PPP1R37: variants seen among roughly 807,000 people sequenced by gnomAD.
The protein encoded by PPP1R37 is protein phosphatase 1 regulatory subunit 37.
PPP1R37 carries 21 observed loss-of-function variants against 61.0 expected under a neutral mutation model. That is an observed-to-expected ratio of 0.34 (90% confidence interval 0.24 to 0.50). PPP1R37 has a LOEUF of 0.50. PPP1R37 is among the 20% of genes least tolerant of loss of function. PPP1R37 has a pLI of 0.98. For synonymous variants in PPP1R37, 443 were observed against 433.5 expected, an observed-to-expected ratio of 1.02 and a Z score of -0.27; for missense variants, 910 against 952.7, an observed-to-expected ratio of 0.96 and a Z score of 0.59.
chr19:45,144,965 G>C lies in PPP1R37; in HGVS notation c.1099G>C (p.Gly367Arg). The change falls in exon 9 of 13, where the codon GGG (glycine) becomes CGG (arginine). Residue 367 changes from glycine (G) to arginine (R), a missense_variant. By Grantham distance (125) the Gly-to-Arg change is moderately radical (BLOSUM62 -2). Transcript: ENST00000221462. The stretch of plus-strand genomic sequence containing the variant: ...CAGCAACCGCAGCGTGCTGCGCCTC[G>C]GGCTGGCCTCCACCAAGCTCACGTG... ...LISNRSVLRL[G>R]LASTKLTCEG... 1 of 1,535,332 alleles carries C rather than the reference G, an allele frequency of 6.5e-7. No homozygotes were observed. Among genetic ancestry groups the C allele is most frequent in the Non-Finnish European group, 8.7e-7 (1 of 1,146,552 alleles).
chr19:45,126,359 A>G (rs1397289683), intron 1 of PPP1R37, among the ~76,000 whole-genome samples: 4 of 152,114 alleles, frequency 2.6e-5, no homozygotes, highest in Admixed American at 1.3e-4. Context: ...GAGCTCACCA[A>G]GCCCTCCCTG....
At chr19:45,126,125 T>C (rs1011633314) in intron 1 of PPP1R37, among the ~76,000 whole-genome samples, 1 of 152,106 alleles carries the variant, frequency 6.6e-6, no homozygotes, top group Non-Finnish European at 1.5e-5. Context: ...GGCTGCTCCT[T>C]GAGACGCTGT....
chr19:45,125,489 T>G (rs2122735132), intron 1 of PPP1R37, among the ~76,000 whole-genome samples: 1 of 152,268 alleles, frequency 6.6e-6, no homozygotes, highest in Admixed American at 6.5e-5. Flanking sequence ...TTGGCTTTCC[T>G]CTGAGCTGGC....
intron 1 of PPP1R37, among the ~76,000 whole-genome samples, chr19:45,131,065 T>A (rs1748671673): frequency 6.6e-6 from 1 of 150,984 alleles, no homozygotes; most frequent in African/African-American, 2.4e-5. Context: ...TGTCCTTGCA[T>A]CTCTTGGGTA....
At chr19:45,142,901 A>G in intron 7 of PPP1R37, 1 of 191,034 alleles carries the variant, frequency 5.2e-6, no homozygotes, top group East Asian at 1.5e-4. Context: ...AGCCTGGGAA[A>G]GGGTCCAGAC....
At chr19:45,138,816 G>T (rs1485719778) in intron 2 of PPP1R37, among the ~76,000 whole-genome samples, 10 of 151,632 alleles carry the variant, frequency 6.6e-5, no homozygotes, top group Non-Finnish European at 1.5e-5. Context: ...AGACATTCAG[G>T]TATCTGTCAG....
At chr19:45,132,716 G>A (rs1312157994) in intron 1 of PPP1R37, among the ~76,000 whole-genome samples, 3 of 151,986 alleles carry the variant, frequency 2.0e-5, no homozygotes, top group Admixed American at 6.6e-5. Flanking sequence ...CTACAGGCAC[G>A]CACCACCATG....
chr19:45,094,407 G>A (rs548033220), intron 1 of PPP1R37, among the ~76,000 whole-genome samples: 2 of 152,334 alleles, frequency 1.3e-5, no homozygotes, highest in African/African-American at 4.8e-5. Flanking sequence ...GGCTACGGAA[G>A]GGTCCTCTTG....
At chr19:45,146,243 C>CCTGT in intron 11 of PPP1R37, 147 bp from the exon 12 acceptor site, 2 of 747,770 alleles carry the variant, frequency 2.7e-6, no homozygotes, top group Non-Finnish European at 4.1e-6. Flanking sequence ...GGTGGGGGGG[C>CCTGT]ATGTAAGGTG....
Position 45,143,422 on chromosome 19 carries a change from A to G in PPP1R37, c.875-99A>G, listed in dbSNP as rs992475475. 4.0e-5 allele frequency: 27 copies of G among 680,224 alleles called. No individual in the cohort carries two copies. The African/African-American group carries it at 4.3e-4, about 11-fold the overall frequency. 42.1% of individuals were successfully genotyped at this position (680,224 alleles called of 1,614,324 possible). On this transcript the variant is annotated intron_variant, in intron 7 of 12. Coordinates refer to ENST00000221462, the MANE Select transcript of PPP1R37 (RefSeq NM_019121.2). ...CAAGGCCTGGGACTGCGGGGCCTCCATGGAGGTCCTAAGCAGAGGGGGTTG... is the reference window on the plus strand; with the variant it reads ...CAAGGCCTGGGACTGCGGGGCCTCCGTGGAGGTCCTAAGCAGAGGGGGTTG...
chr19:45,097,092 G>C (rs938596687), intron 1 of PPP1R37, among the ~76,000 whole-genome samples: 1 of 152,008 alleles, frequency 6.6e-6, no homozygotes, highest in Non-Finnish European at 1.5e-5. Context: ...GGGTGAAGAG[G>C]AATCGTGGTA....
In PPP1R37 at chr19:45,122,008, C is replaced by T. The variant is rs1253035238; in HGVS notation, c.203-16506C>T. Among the ~76,000 whole-genome samples the T allele has an allele frequency of 2.6e-5, 4 of 152,110 alleles. No homozygotes were observed. In the East Asian group the frequency reaches 5.8e-4, roughly 22 times the overall value. ...TGCAGCAGCACATCCGCAGAGGTAG[C>T]GAGGCCTTGGGGGTGTGGGGTTCCC... is the stretch of plus-strand genomic sequence containing the variant. On this transcript the variant is annotated intron_variant, in intron 1 of 12. Transcript: ENST00000221462.
At chr19:45,143,915 C>T (rs1209666560) in intron 8 of PPP1R37, 1 of 225,044 alleles carries the variant, frequency 4.4e-6, no homozygotes, top group African/African-American at 2.3e-5. Flanking sequence ...ACTGCAGCCA[C>T]TCCAGCCCCC....
At chr19:45,096,013 C>A (rs10420104) in intron 1 of PPP1R37, among the ~76,000 whole-genome samples, 1 of 152,172 alleles carries the variant, frequency 6.6e-6, no homozygotes, top group African/African-American at 2.4e-5. Flanking sequence ...TCAGTCTTCC[C>A]ATCTGTGAAG....
In PPP1R37 at chr19:45,145,279, T is replaced by G; in HGVS notation, c.1296+19T>G. On this transcript the variant is annotated intron_variant, in intron 10 of 12. Coordinates refer to ENST00000221462, the MANE Select transcript of PPP1R37 (RefSeq NM_019121.2). ...AGAGGCGGTGAGCAGGGGACGGTCC[T>G]GCAGCCCTGGGGCGGGCGGAAGGCC... 1 of 1,527,398 alleles carries G rather than the reference T, an allele frequency of 6.5e-7. No homozygotes were observed. The highest frequency in any genetic ancestry group is 1.2e-5 in the South Asian group (1 of 82,972). The allele number at this position is 1,527,398 out of a possible 1,614,324, so 94.6% of individuals were successfully genotyped here.
chr19:45,146,270 AC>A (rs1233838540), intron 11 of PPP1R37, 119 bp from the exon 12 acceptor site: 9 of 993,992 alleles, frequency 9.1e-6, no homozygotes, highest in Non-Finnish European at 1.2e-5. Flanking sequence ...CTTGAGCCTG[AC>A]CATCTCAGCG....
At chr19:45,096,141 G>A (rs1168802139) in intron 1 of PPP1R37, among the ~76,000 whole-genome samples, 1 of 152,178 alleles carries the variant, frequency 6.6e-6, no homozygotes, top group East Asian at 1.9e-4. Flanking sequence ...GACAGTGTTG[G>A]TCATCTTGGG....
chr19:45,116,591 G>A (rs1968270673), intron 1 of PPP1R37, among the ~76,000 whole-genome samples: 1 of 152,220 alleles, frequency 6.6e-6, no homozygotes, highest in African/African-American at 2.4e-5. Context: ...CCCTGAGCAG[G>A]CTAACTTTCC....
At chr19:45,097,654 C>T (rs1457399926) in intron 1 of PPP1R37, among the ~76,000 whole-genome samples, 1 of 151,998 alleles carries the variant, frequency 6.6e-6, no homozygotes, top group Non-Finnish European at 1.5e-5. Context: ...TCCGGATTCC[C>T]ATCTCCCACA....
Sources: allele counts gnomAD v4.1 joint callset (sites outside exome capture counted in the v4.1 genomes callset), GRCh38; gene constraint gnomAD v4.1.1; transcripts MANE v1.5; gene names NCBI Gene and HGNC (gene_info 2026-07-23, HGNC 2026-07-21).